Variants in FOXP2 observed in about 807,000 individuals in gnomAD.
FOXP2 encodes forkhead box protein P2.
FOXP2 carries 12 observed loss-of-function variants against 115.8 expected under a neutral mutation model. The ratio of observed to expected loss-of-function variants is 0.10; its 90% CI spans 0.07 to 0.17. The LOEUF (loss-of-function observed/expected upper bound fraction) is 0.17. Among genes scored for constraint, FOXP2 ranks in the 10% least tolerant of loss-of-function variants. The pLI, the probability that FOXP2 is intolerant of heterozygous loss-of-function variation, is 1.00. For missense variants in FOXP2, 629 were observed against 843.5 expected (o/e 0.75, Z 3.15); for synonymous variants, 328 against 297.7 (o/e 1.10, Z -1.05).
chr7:114,332,565 G>A (rs1014078276), intron 2 of FOXP2, among the ~76,000 whole-genome samples: 1 of 152,088 alleles, frequency 6.6e-6, no homozygotes, highest in Non-Finnish European at 1.5e-5. Context: ...TCACAAATAA[G>A]CATTTTTCAC....
At chr7:114,472,888 T>C (rs888114340) in intron 2 of FOXP2, among the ~76,000 whole-genome samples, 1 of 152,054 alleles carries the variant, frequency 6.6e-6, no homozygotes, top group Non-Finnish European at 1.5e-5. Flanking sequence ...GGAAAAAATA[T>C]TATGTAAGTT....
chr7:114,173,107 T>A lies in FOXP2; in HGVS notation c.-102+10019T>A, dbSNP rs111869773. On this transcript the variant is annotated intron_variant, in intron 1 of 17. Coordinates refer to the FOXP2 transcript ENST00000634411. ...ATGCTATAGTAATGAGCCACTCATC[T>A]TTATTGAATTGTTCATGGTTTCTTT... Among the ~76,000 whole-genome samples, 1,455 of 152,094 alleles carry A rather than the reference T, an allele frequency of 9.6e-3. 32 individuals carry two copies. The highest frequency in any genetic ancestry group is 0.033 in the African/African-American group (1,383 of 41,540).
chr7:114,089,421 GA>G (rs1799497791), intron 1 of FOXP2, among the ~76,000 whole-genome samples: 1 of 151,858 alleles, frequency 6.6e-6, no homozygotes, highest in Non-Finnish European at 1.5e-5. Flanking sequence ...GTGTATATTA[GA>G]ATAAATACAG....
chr7:114,163,404 A>T (rs898523268), intron 1 of FOXP2, among the ~76,000 whole-genome samples: 15 of 152,074 alleles, frequency 9.9e-5, no homozygotes, highest in Non-Finnish European at 2.9e-5. Flanking sequence ...CAGTTTTGCC[A>T]TTATAATCTC....
chr7:114,490,954 C>T (rs942001711), intron 2 of FOXP2, among the ~76,000 whole-genome samples: 4 of 152,026 alleles, frequency 2.6e-5, no homozygotes, highest in African/African-American at 4.8e-5. Context: ...TGAATAGTGC[C>T]GTAATAAACA....
chr7:114,506,640 C>T (rs534411112), intron 2 of FOXP2, among the ~76,000 whole-genome samples: 1 of 151,452 alleles, frequency 6.6e-6, no homozygotes, highest in Non-Finnish European at 1.5e-5. Flanking sequence ...TGCATGGAGT[C>T]AGATTTCTTG....
At chr7:114,386,104 T>G (rs6964805) in intron 2 of FOXP2, among the ~76,000 whole-genome samples, 2 of 152,178 alleles carry the variant, frequency 1.3e-5, no homozygotes, top group South Asian at 2.1e-4. Context: ...TATCAGGAGC[T>G]CAGCGGACAC....
rs527891332 is a variant in FOXP2 at position 114,173,781 on chromosome 7, T to C, written c.-102+10693T>C. On this transcript the variant is annotated intron_variant, in intron 1 of 17. Transcript: ENST00000634411. Reference sequence around the variant, plus strand: ...AAATTTTGGGAATAAAATCAGATTTTGTTTTAAAAACCAGCTATGTTTCTT... The same window carrying C: ...AAATTTTGGGAATAAAATCAGATTTCGTTTTAAAAACCAGCTATGTTTCTT... 3.5e-4 allele frequency among the ~76,000 whole-genome samples: 53 copies of C among 152,014 alleles called. 1 individual carries two copies. The highest frequency in any genetic ancestry group is 4.1e-4 in the Non-Finnish European group (28 of 67,878).
intron 7 of FOXP2, among the ~76,000 whole-genome samples, chr7:114,642,903 G>A (rs1213912596): frequency 6.8e-6 from 1 of 146,970 alleles, no homozygotes; most frequent in Non-Finnish European, 1.5e-5. Context: ...CCGCCTCCCG[G>A]GTTCCTGCCA....
intron 1 of FOXP2, among the ~76,000 whole-genome samples, chr7:114,145,572 C>A (rs532516599): frequency 6.6e-6 from 1 of 151,180 alleles, no homozygotes; most frequent in South Asian, 2.1e-4. Flanking sequence ...ACTGCAACCT[C>A]CACCTCCCGG....
chr7:114,462,546 A>G (rs188800627), intron 2 of FOXP2, among the ~76,000 whole-genome samples: 8 of 151,578 alleles, frequency 5.3e-5, no homozygotes, highest in Admixed American at 2.6e-4. Flanking sequence ...TAATTTTTGT[A>G]TTTTGAGTAG....
chr7:114,647,573 T>C (rs1024415850), intron 8 of FOXP2, among the ~76,000 whole-genome samples: 1 of 151,810 alleles, frequency 6.6e-6, no homozygotes, highest in Non-Finnish European at 1.5e-5. Context: ...AAAAAAGTGT[T>C]GAGGAAAATT....
At chr7:114,134,141 TA>T (rs1791962234) in intron 1 of FOXP2, among the ~76,000 whole-genome samples, 1 of 152,112 alleles carries the variant, frequency 6.6e-6, no homozygotes, top group Non-Finnish European at 1.5e-5. Flanking sequence ...ATAGGTAAAG[TA>T]AAATGGGGAC....
chr7:114,483,620 A>G (rs1473447455), intron 2 of FOXP2, among the ~76,000 whole-genome samples: 1 of 151,608 alleles, frequency 6.6e-6, no homozygotes, highest in Non-Finnish European at 1.5e-5. Context: ...CTGATATTTG[A>G]TGTTGCTATC....
At chr7:114,438,860 G>T (rs1285039679) in intron 2 of FOXP2, among the ~76,000 whole-genome samples, 1 of 152,064 alleles carries the variant, frequency 6.6e-6, no homozygotes, top group Non-Finnish European at 1.5e-5. Context: ...TTGTAGCCTA[G>T]TCAGTTGCTA....
intron 16 of FOXP2, chr7:114,666,051 A>G: frequency 6.6e-6 from 1 of 152,176 alleles, no homozygotes; most frequent in South Asian, 2.1e-4. Context: ...TCAGAGAAAT[A>G]TTAGTATGTA....
intron 2 of FOXP2, among the ~76,000 whole-genome samples, chr7:114,303,523 A>G (rs902737992): frequency 5.3e-5 from 8 of 152,178 alleles, no homozygotes; most frequent in African/African-American, 1.9e-4. Context: ...CATGCCCTCT[A>G]GTAACCATTT....
intron 2 of FOXP2, among the ~76,000 whole-genome samples, chr7:114,516,678 C>CTTTGTTT (rs556022606): frequency 2.7e-5 from 4 of 150,636 alleles, no homozygotes; most frequent in Middle Eastern, 3.2e-3. Context: ...TTTTTTTGTT[C>CTTTGTTT]TTTGTTTTTT....
In FOXP2 at chr7:114,368,536, T is replaced by C. The variant is rs373366855; in HGVS notation, c.-10-57966T>C. 3.2e-3 allele frequency among the ~76,000 whole-genome samples: 492 copies of C among 152,304 alleles called. 1 individual carries two copies. Among genetic ancestry groups the C allele is most frequent in the South Asian group, 0.011 (54 of 4,830 alleles). On this transcript the variant is annotated intron_variant, in intron 2 of 17. Transcript: ENST00000634411. ...GTCAGAGCCTTAACCATGGGTGTTA[T>C]CCTGAAGAAGGGTGGCAGAACAAGT... is the stretch of plus-strand genomic sequence containing the variant.
Sources: gnomAD v4.1 joint callset for allele counts (sites outside exome capture counted in the v4.1 genomes callset) on GRCh38, gnomAD v4.1.1 for gene constraint, MANE v1.5 for transcripts, NCBI Gene and HGNC (gene_info 2026-07-23, HGNC 2026-07-21) for gene names.